Variants in CEP63 observed in about 807,000 individuals in gnomAD.
CEP63 encodes the protein centrosomal protein 63, also known as centrosomal protein of 63 kDa.
A neutral mutation model predicts 89.1 loss-of-function variants in CEP63; 84 were observed. The ratio of observed to expected loss-of-function variants is 0.94; its 90% CI spans 0.79 to 1.13. The LOEUF is 1.13. Among genes scored for constraint, CEP63 ranks in the 50% most tolerant of loss-of-function variants. The pLI is 0.00. For missense variants in CEP63, 838 were observed against 813.3 expected (o/e 1.03, Z -0.37); for synonymous variants, 267 against 272.5 (o/e 0.98, Z 0.20).
Position 134,549,089 on chromosome 3 carries a change from A to G in CEP63, c.1095A>G (p.Lys365=), listed in dbSNP as rs949438785. The change falls in exon 10 of 15, where the codon AAA becomes AAG. Residue 365 remains lysine (K), a synonymous_variant. Coordinates refer to ENST00000675561, the MANE Select transcript of CEP63 (RefSeq NM_001353108.3). ...TGGAATCTGTGAGTGCAACGTGTAA[A>G]CAGCTGAGCCAAGAACTAATGGAAA... ...GSLESVSATC[K]QLSQELMEKY... is the part of the protein sequence containing the mutation. 3 of 1,613,370 alleles carry G rather than the reference A, an allele frequency of 1.9e-6. No individual in the cohort carries two copies. In the African/African-American group the frequency reaches 4.0e-5, roughly 22 times the overall value.
At chr3:134,650,908 A>G in the CEP63 span, 1 of 1,613,196 alleles carries the variant, frequency 6.2e-7, no homozygotes, top group Middle Eastern at 1.6e-4. Flanking sequence ...CTCCGAGTGC[A>G]CGATCAGCAG....
intron 10 of CEP63, among the ~76,000 whole-genome samples, chr3:134,549,397 G>T (rs187534545): frequency 1.3e-5 from 2 of 152,228 alleles, no homozygotes. Flanking sequence ...ATAATTGAAG[G>T]CTGTCCCCTT....
intron 6 of CEP63, among the ~76,000 whole-genome samples, chr3:134,543,772 C>A (rs557382344): frequency 1.4e-4 from 21 of 152,272 alleles, no homozygotes; most frequent in African/African-American, 4.3e-4. Context: ...TGGGCTCTAA[C>A]CCTTTTCTCC....
At chr3:134,706,050 C>A in the CEP63 span, among the ~76,000 whole-genome samples, 1 of 152,098 alleles carries the variant, frequency 6.6e-6, no homozygotes, top group South Asian at 2.1e-4. Flanking sequence ...GAGGGGGGCA[C>A]TAACTCAAAG....
At chr3:134,755,352 G>A in the CEP63 span, among the ~76,000 whole-genome samples, 1 of 152,174 alleles carries the variant, frequency 6.6e-6, no homozygotes, top group Non-Finnish European at 1.5e-5. Context: ...GTCTGTGAAT[G>A]GCGCCACAGC....
rs200589938 is a variant in CEP63 at position 134,549,183 on chromosome 3, A to T, written c.1182+7A>T. 5.2e-6 allele frequency: 8 copies of T among 1,543,076 alleles called. No homozygotes were observed. In the East Asian group the frequency reaches 1.8e-4, roughly 35 times the overall value. Reference sequence around the variant, plus strand: ...CAAAGCAGAGATTAAGAAGGTAAAAATCTGCATACCTAGGATTGCAAAATT... The same window carrying T: ...CAAAGCAGAGATTAAGAAGGTAAAATTCTGCATACCTAGGATTGCAAAATT... On this transcript the variant is annotated splice_region_variant and intron_variant, in intron 10 of 14. Transcript: ENST00000675561.
the CEP63 span, among the ~76,000 whole-genome samples, chr3:134,714,117 G>A: frequency 3.9e-5 from 6 of 152,148 alleles, no homozygotes; most frequent in Admixed American, 6.5e-5. Context: ...TGGAAGTCAC[G>A]ATACTGCAAG....
the CEP63 span, among the ~76,000 whole-genome samples, chr3:134,645,246 G>A: frequency 6.6e-6 from 1 of 152,200 alleles, no homozygotes; most frequent in African/African-American, 2.4e-5. Flanking sequence ...GGAGGCGGCT[G>A]GGCCCAAACA....
At chr3:134,765,675 G>A in the CEP63 span, among the ~76,000 whole-genome samples, 1 of 152,224 alleles carries the variant, frequency 6.6e-6, no homozygotes, top group East Asian at 1.9e-4. Context: ...TACTTAGTGG[G>A]GAGAGAGTCT....
chr3:134,566,273 A>G (rs576774515), downstream of CEP63, among the ~76,000 whole-genome samples: 1 of 152,312 alleles, frequency 6.6e-6, no homozygotes, highest in East Asian at 1.9e-4. Flanking sequence ...AGTAGTTGAT[A>G]GGGGAAGGTC....
the CEP63 span, chr3:134,643,421 A>T: frequency 1.9e-5 from 29 of 1,566,270 alleles, no homozygotes; most frequent in East Asian, 5.6e-4. Flanking sequence ...CCACTGGGGA[A>T]TTTTCCCCAG....
At chr3:134,746,373 AAT>A in the CEP63 span, among the ~76,000 whole-genome samples, 1 of 152,214 alleles carries the variant, frequency 6.6e-6, no homozygotes, top group Non-Finnish European at 1.5e-5. Flanking sequence ...ATAGTGCTGC[AAT>A]AAACATAAGT....
chr3:134,709,260 A>G, the CEP63 span, among the ~76,000 whole-genome samples: 2 of 152,146 alleles, frequency 1.3e-5, no homozygotes, highest in African/African-American at 4.8e-5. Context: ...CTCTAGTCCC[A>G]GTTTGGCAAC....
chr3:134,586,709 C>G (rs184900455), intron 10 of CEP63, among the ~76,000 whole-genome samples: 3 of 152,090 alleles, frequency 2.0e-5, no homozygotes, highest in Non-Finnish European at 4.4e-5. Context: ...GTGGTGTTCT[C>G]TGTATTTCCT....
the CEP63 span, among the ~76,000 whole-genome samples, chr3:134,728,579 T>A: frequency 4.6e-5 from 7 of 152,166 alleles, no homozygotes; most frequent in African/African-American, 1.7e-4. Flanking sequence ...GACACAAAGA[T>A]GAATAAGACA....
At chr3:134,748,807 C>T in the CEP63 span, among the ~76,000 whole-genome samples, 1 of 152,132 alleles carries the variant, frequency 6.6e-6, no homozygotes, top group Admixed American at 6.6e-5. Context: ...AGTCTAGGGA[C>T]AGAGAGCAAT....
chr3:134,601,820 G>A, the CEP63 span, among the ~76,000 whole-genome samples: 2 of 152,258 alleles, frequency 1.3e-5, no homozygotes, highest in Non-Finnish European at 2.9e-5. Flanking sequence ...GACTTTTAGG[G>A]GAGGGATCCC....
chr3:134,491,605 T>G (rs907074223), intron 1 of CEP63, among the ~76,000 whole-genome samples: 1 of 152,226 alleles, frequency 6.6e-6, no homozygotes, highest in Non-Finnish European at 1.5e-5. Flanking sequence ...TTTGGACAAT[T>G]TTTTAAAAAC....
intron 4 of CEP63, 85 bp from the exon 5 acceptor site, chr3:134,532,693 C>T (rs1950078177): frequency 8.9e-7 from 1 of 1,120,798 alleles, no homozygotes. Flanking sequence ...GTTAGCACTG[C>T]TCTTGTTTTC....
Sources: allele counts gnomAD v4.1 joint callset (sites outside exome capture counted in the v4.1 genomes callset), GRCh38; gene constraint gnomAD v4.1.1; transcripts MANE v1.5; gene names NCBI Gene and HGNC (gene_info 2026-07-23, HGNC 2026-07-21).